MBOAT2: variants seen among roughly 807,000 people sequenced by gnomAD.
MBOAT2 encodes the protein membrane bound glycerophospholipid O-acyltransferase 2, also known as membrane-bound glycerophospholipid O-acyltransferase 2.
Under a neutral mutation model 63.4 loss-of-function variants are expected in MBOAT2, and 28 were observed. That is an observed-to-expected ratio of 0.44 (90% confidence interval 0.33 to 0.61). The LOEUF (loss-of-function observed/expected upper bound fraction) is 0.61. MBOAT2 is among the 20% of genes least tolerant of loss of function. The pLI, the probability that MBOAT2 is intolerant of heterozygous loss-of-function variation, is 0.03. For synonymous variants in MBOAT2, 211 were observed against 215.6 expected (o/e 0.98, Z 0.19); for missense variants, 470 against 605.8 (o/e 0.78, Z 2.35).
intron 4 of MBOAT2, among the ~76,000 whole-genome samples, chr2:8,901,791 C>T (rs1229112897): frequency 6.6e-6 from 1 of 152,108 alleles, no homozygotes; most frequent in Admixed American, 6.6e-5. Flanking sequence ...TAACAGAGTC[C>T]TGAAGTTTAT....
intron 1 of MBOAT2, among the ~76,000 whole-genome samples, chr2:8,986,431 C>T (rs1014799447): frequency 5.3e-5 from 8 of 151,834 alleles, no homozygotes; most frequent in African/African-American, 1.5e-4. Context: ...TGCCTGGTGG[C>T]GCATGCCTGT....
intron 1 of MBOAT2, among the ~76,000 whole-genome samples, chr2:8,992,787 G>T (rs1212606433): frequency 6.6e-6 from 1 of 152,230 alleles, no homozygotes; most frequent in Non-Finnish European, 1.5e-5. Flanking sequence ...CAGAGCTTGG[G>T]ACTTCCCAGA....
intron 1 of MBOAT2, among the ~76,000 whole-genome samples, chr2:8,997,296 C>G (rs954880142): frequency 6.6e-6 from 1 of 152,158 alleles, no homozygotes; most frequent in African/African-American, 2.4e-5. Context: ...AAAGTTGGCC[C>G]TGATGGACCC....
intron 3 of MBOAT2, among the ~76,000 whole-genome samples, chr2:8,921,204 T>C (rs551581509): frequency 2.6e-4 from 40 of 152,322 alleles, no homozygotes; most frequent in African/African-American, 8.4e-4. Context: ...TAGTGAACTA[T>C]TTTAATTCCT....
rs112239000 is a variant in MBOAT2 at position 8,888,479 on chromosome 2, C to A, written c.396-406G>T. Reference sequence around the variant, plus strand: ...CTTCAACATATCATGGACAGACTCTCAACTCCCTATTCTAAAAACTAGGCA... The same window carrying A: ...CTTCAACATATCATGGACAGACTCTAAACTCCCTATTCTAAAAACTAGGCA... On this transcript the variant is annotated intron_variant, in intron 4 of 12. Coordinates refer to ENST00000305997, the MANE Select transcript of MBOAT2 (RefSeq NM_138799.4). 7.0e-3 allele frequency among the ~76,000 whole-genome samples: 1,064 copies of A among 152,264 alleles called. 11 individuals are homozygous for A. Among genetic ancestry groups the A allele is most frequent in the South Asian group, 0.02 (97 of 4,826 alleles).
intron 2 of MBOAT2, among the ~76,000 whole-genome samples, chr2:8,946,647 C>T (rs1668433440): frequency 6.6e-6 from 1 of 152,186 alleles, no homozygotes; most frequent in Admixed American, 6.5e-5. Flanking sequence ...AACAATATTT[C>T]AAACTTTTTC....
chr2:8,926,414 C>A (rs1222365583), intron 3 of MBOAT2, among the ~76,000 whole-genome samples: 1 of 152,130 alleles, frequency 6.6e-6, no homozygotes, highest in African/African-American at 2.4e-5. Flanking sequence ...GAGTACAAGG[C>A]TGATTTATTA....
chr2:8,981,729 G>T (rs1376567610), intron 1 of MBOAT2, among the ~76,000 whole-genome samples: 2 of 152,144 alleles, frequency 1.3e-5, no homozygotes, highest in Non-Finnish European at 2.9e-5. Flanking sequence ...GAAGAACACA[G>T]TGTTTATTGT....
chr2:8,876,385 G>A (rs1399521360), intron 7 of MBOAT2, among the ~76,000 whole-genome samples: 1 of 152,236 alleles, frequency 6.6e-6, no homozygotes, highest in Admixed American at 6.5e-5. Context: ...TACCTTGTAT[G>A]AATGCTGTGA....
At chr2:8,933,040 A>G (rs993759155) in intron 3 of MBOAT2, among the ~76,000 whole-genome samples, 5 of 152,336 alleles carry the variant, frequency 3.3e-5, no homozygotes, top group South Asian at 4.1e-4. Flanking sequence ...AAACTTCAAC[A>G]TGAACCACAA....
At chr2:8,929,994 C>T (rs558848144) in intron 3 of MBOAT2, among the ~76,000 whole-genome samples, 16 of 152,278 alleles carry the variant, frequency 1.1e-4, no homozygotes, top group African/African-American at 3.9e-4. Flanking sequence ...CTCCCTTCCC[C>T]TCCCCTGAAA....
At chr2:8,929,976 T>C (rs1388729794) in intron 3 of MBOAT2, among the ~76,000 whole-genome samples, 1 of 152,192 alleles carries the variant, frequency 6.6e-6, no homozygotes, top group Admixed American at 6.5e-5. Context: ...AGCTTCCCTG[T>C]GTCCTCTCTC....
At chr2:8,887,473 A>G (rs1025660047) in intron 5 of MBOAT2, among the ~76,000 whole-genome samples, 8 of 152,180 alleles carry the variant, frequency 5.3e-5, no homozygotes, top group Admixed American at 1.3e-4. Flanking sequence ...CAGGCTACAT[A>G]CAAATGACCA....
intron 3 of MBOAT2, among the ~76,000 whole-genome samples, chr2:8,934,473 G>C (rs1417615053): frequency 1.3e-5 from 2 of 152,158 alleles, no homozygotes; most frequent in Admixed American, 1.3e-4. Context: ...AAACCTGTAA[G>C]TGCTGTTGCT....
chr2:8,887,693 C>G (rs941301929), intron 5 of MBOAT2, among the ~76,000 whole-genome samples: 3 of 152,104 alleles, frequency 2.0e-5, no homozygotes, highest in Non-Finnish European at 4.4e-5. Flanking sequence ...AAAAATTTAA[C>G]GAGGAGCTGA....
At chr2:8,868,128 A>G (rs1662035106) in intron 9 of MBOAT2, among the ~76,000 whole-genome samples, 2 of 152,054 alleles carry the variant, frequency 1.3e-5, no homozygotes, top group Non-Finnish European at 2.9e-5. Context: ...TCTTCCCCCA[A>G]ACACCTCAAC....
At chr2:8,882,345 G>A (rs1197216463) in intron 6 of MBOAT2, among the ~76,000 whole-genome samples, 166 bp downstream of exon 6, 1 of 152,228 alleles carries the variant, frequency 6.6e-6, no homozygotes, top group Non-Finnish European at 1.5e-5. Context: ...GGATGCCCAG[G>A]CCTGCCCAGC....
At position 8,864,191 on chromosome 2, in the gene MBOAT2, T is replaced by C. The variant is rs1181236164; in HGVS notation, c.1031A>G (p.Gln344Arg). ...FKMFLDNWNI[Q>R]TALWLKRVCY... ...GCACCTTTTGAGCCAAAGAGCTGTC[T>C]GAATATTCCAATTATCAAGAAACAT... is the stretch of plus-strand genomic sequence containing the variant. The change falls in exon 10 of 13, where the codon CAG (glutamine) becomes CGG (arginine). Residue 344 changes from glutamine (Q) to arginine (R), a missense_variant. Physicochemically the swap from Gln to Arg is conservative, Grantham distance 43. Coordinates refer to ENST00000305997, the MANE Select transcript of MBOAT2 (RefSeq NM_138799.4). The C allele has an allele frequency of 6.3e-7, 1 of 1,582,264 alleles. No homozygotes were observed. Among genetic ancestry groups the C allele is most frequent in the African/African-American group, 1.4e-5 (1 of 72,972 alleles).
intron 1 of MBOAT2, among the ~76,000 whole-genome samples, chr2:9,001,775 G>C (rs577935653): frequency 6.6e-6 from 1 of 152,256 alleles, no homozygotes; most frequent in South Asian, 2.1e-4. Flanking sequence ...TTATATAAAT[G>C]AATAGGTATT....
Sources: allele counts gnomAD v4.1 joint callset (sites outside exome capture counted in the v4.1 genomes callset), GRCh38; gene constraint gnomAD v4.1.1; transcripts MANE v1.5; gene names NCBI Gene and HGNC (gene_info 2026-07-23, HGNC 2026-07-21).